The following PNMA8B variants were observed in gnomAD, a reference collection of about 807,000 sequenced individuals.
PNMA8B encodes the protein PNMA family member 8B.
For synonymous variants in PNMA8B, 386 were observed against 394.9 expected, an observed-to-expected ratio of 0.98 and a Z score of 0.27; for missense variants, 887 against 885.8, an observed-to-expected ratio of 1.00 and a Z score of -0.02.
rs778069315 is a variant in PNMA8B at position 46,494,104 on chromosome 19, G to C, written c.1362C>G (p.Leu454=). Reference sequence around the variant, plus strand: ...CCTCCGCCATGTCCTGGGCAGCCAGGAGCGCCACCAGCTCCAGAAGACCCC... The same window carrying C: ...CCTCCGCCATGTCCTGGGCAGCCAGCAGCGCCACCAGCTCCAGAAGACCCC... The part of the protein sequence containing the change: ...DEGGLLELVA[L]LAAQDMAEVM... The change falls in exon 1 of 1, where the codon CTC becomes CTG. Residue 454 remains leucine, a synonymous_variant. Coordinates refer to ENST00000599531, the MANE Select transcript of PNMA8B (RefSeq NM_020709.3). 6.2e-7 allele frequency: 1 copy of C among 1,612,488 alleles called. No homozygotes were observed. The highest frequency in any genetic ancestry group is 8.5e-7 in the Non-Finnish European group (1 of 1,179,838).
chr19:46,494,134 G>A lies in PNMA8B; in HGVS notation c.1332C>T (p.Asp444=), dbSNP rs370979395. ...CCACCAGCTCCAGAAGACCCCCTTC[G>A]TCCTCACGGTGCTCGCTCCAGCCCC... ...LFGGWSEHRE[D]EGGLLELVAL... is the part of the protein sequence containing the mutation. Residue 444 remains aspartate, a synonymous_variant, in exon 1 of 1, where the codon GAC becomes GAT. Coordinates refer to ENST00000599531, the MANE Select transcript of PNMA8B (RefSeq NM_020709.3). 23 of 1,611,096 alleles carry A rather than the reference G, an allele frequency of 1.4e-5. No homozygotes were observed. The African/African-American group carries it at 1.5e-4, about 10-fold the overall frequency.
rs769704644 is a variant in PNMA8B, at chr19:46,494,982, G to A, written c.484C>T (p.Arg162Trp). 1.9e-6 allele frequency: 3 copies of A among 1,608,740 alleles called. No individual in the cohort carries two copies. The highest frequency in any genetic ancestry group is 1.1e-5 in the South Asian group (1 of 91,088). ...GAARNPRRGR[R>W]GRRNRTRRNR... ...CGTCTGGTTCTGTTTCTGCGACCCC[G>A]ACGGCCCCTCCTTGGGTTCCTGGCT... Residue 162 changes from arginine to tryptophan, a missense_variant, in exon 1 of 1, where the codon CGG becomes TGG. Transcript: ENST00000599531.
rs1007863968 is a variant in PNMA8B at position 46,494,335 on chromosome 19, G to A, written c.1131C>T (p.Ser377=). The change falls in exon 1 of 1, where the codon TCC becomes TCT. Residue 377 remains serine, a synonymous_variant. Coordinates refer to ENST00000599531, the MANE Select transcript of PNMA8B (RefSeq NM_020709.3). ...TCCCGTTAGTGTCCTTGGACATGACGGACAAGACCTGTCGGAGGGGGTCTC... is the reference window on the plus strand; with the variant it reads ...TCCCGTTAGTGTCCTTGGACATGACAGACAAGACCTGTCGGAGGGGGTCTC... The part of the protein sequence containing the change: ...DKRDPLRQVL[S]VMSKDTNGTR... 3.1e-6 allele frequency: 5 copies of A among 1,613,060 alleles called. No homozygotes were observed. In the Admixed American group the frequency reaches 6.7e-5, roughly 22 times the overall value.
Position 46,495,525 on chromosome 19 carries a change from G to A in PNMA8B, c.-60C>T. On this transcript the variant is annotated 5_prime_UTR_variant, in exon 1 of 1. Transcript: ENST00000599531. The stretch of plus-strand genomic sequence containing the variant: ...AGGGAGCCCGAGATAGGGGTGGGCT[G>A]CAGCGCACGGTGTCAATGCAACCCT... 1 of 1,527,426 alleles carries A rather than the reference G, an allele frequency of 6.5e-7. No homozygotes were observed. The highest frequency in any genetic ancestry group is 1.3e-5 in the South Asian group (1 of 78,714). The allele number at this position is 1,527,426 out of a possible 1,614,324, so 94.6% of individuals were successfully genotyped here.
chr19:46,494,371 C>T lies in PNMA8B; in HGVS notation c.1095G>A (p.Glu365=). The T allele has an allele frequency of 6.2e-7, 1 of 1,613,342 alleles. No homozygotes were observed. The highest frequency in any genetic ancestry group is 8.5e-7 in the Non-Finnish European group (1 of 1,179,908). ...SVIESLGWSD[E]KDKRDPLRQV... ...GTCGGAGGGGGTCTCGCTTGTCTTT[C>T]TCGTCGCTCCAGCCCAGCGACTCGA... The change falls in exon 1 of 1, where the codon GAG becomes GAA. Residue 365 remains glutamate, a synonymous_variant. Coordinates refer to ENST00000599531, the MANE Select transcript of PNMA8B (RefSeq NM_020709.3).
chr19:46,494,673 T>C lies in PNMA8B; in HGVS notation c.793A>G (p.Lys265Glu). Reference protein sequence around the residue: ...ALVTVTDKSKKEEAEKEPAGA... With the variant: ...ALVTVTDKSKEEEAEKEPAGA... Reference sequence around the variant, plus strand: ...GCTGGCTCCTTCTCTGCCTCTTCTTTCTTCGATTTGTCGGTGACGGTGACC... The same window carrying C: ...GCTGGCTCCTTCTCTGCCTCTTCTTCCTTCGATTTGTCGGTGACGGTGACC... The change falls in exon 1 of 1, where the codon AAA (lysine) becomes GAA (glutamate). Residue 265 changes from lysine to glutamate, a missense_variant. Lys to Glu is a moderately conservative substitution (Grantham distance 56). Transcript: ENST00000599531. 6.2e-7 allele frequency: 1 copy of C among 1,614,032 alleles called. No homozygotes were observed. Among genetic ancestry groups the C allele is most frequent in the Non-Finnish European group, 8.5e-7 (1 of 1,179,882 alleles).
Position 46,495,263 on chromosome 19 carries a change from T to A in PNMA8B, c.203A>T (p.Glu68Val), listed in dbSNP as rs1467600095. The A allele has an allele frequency of 6.4e-7, 1 of 1,555,010 alleles. No homozygotes were observed. Among genetic ancestry groups the A allele is most frequent in the African/African-American group, 1.4e-5 (1 of 73,750 alleles). ...AGCGTGATTGACGTCCTCCACAAACTCCACCAGGGCGGCCTGGGCCTTCTC... is the reference window on the plus strand; with the variant it reads ...AGCGTGATTGACGTCCTCCACAAACACCACCAGGGCGGCCTGGGCCTTCTC... ...MNEKAQAALV[E>V]FVEDVNHAAI... Residue 68 changes from glutamate to valine, a missense_variant, in exon 1 of 1, where the codon GAG becomes GTG. Glu to Val is a moderately radical substitution (Grantham distance 121). Transcript: ENST00000599531.
rs1434181242 is a variant in PNMA8B at position 46,495,038 on chromosome 19, A to T, written c.428T>A (p.Val143Glu). The T allele has an allele frequency of 1.9e-6, 3 of 1,609,120 alleles. No individual in the cohort carries two copies. The highest frequency in any genetic ancestry group is 3.3e-5 in the Admixed American group (2 of 59,896). The change falls in exon 1 of 1, where the codon GTA (valine) becomes GAA (glutamate). Residue 143 changes from valine (V) to glutamate (E), a missense_variant. Coordinates refer to ENST00000599531, the MANE Select transcript of PNMA8B (RefSeq NM_020709.3). ...SETQAQDSGE[V>E]TGQAGSLLGA... ...AAGAAGCGAGCCAGCCTGCCCTGTT[A>T]CCTCCCCAGAATCCTGGGCCTGCGT...
In PNMA8B at chr19:46,491,576, T is replaced by G. The variant is rs3745788; in HGVS notation, c.*1982A>C. The G allele has an allele frequency of 0.11, 15,531 of 146,082 alleles. 951 individuals carry two copies. Among genetic ancestry groups the G allele is most frequent in the East Asian group, 0.18 (862 of 4,892 alleles). The allele number at this position is 146,082 out of a possible 1,614,324, so 9.0% of individuals were successfully genotyped here. A position where few individuals can be genotyped will look rare whatever the true frequency, so the allele number is the denominator to read the frequency against. On this transcript the variant is annotated 3_prime_UTR_variant, in exon 1 of 1. Coordinates refer to ENST00000599531, the MANE Select transcript of PNMA8B (RefSeq NM_020709.3). ...GGGGATTGGCTGGGCGGGGTCTCCA[T>G]GGGTGTCCAGGGGCTTCGGAGCTGA...
rs1486313527 is a variant in PNMA8B at position 46,494,924 on chromosome 19, C to G, written c.542G>C (p.Ser181Thr). The change falls in exon 1 of 1, where the codon AGC becomes ACC. Residue 181 changes from serine (S) to threonine (T), a missense_variant. Ser to Thr is a moderately conservative substitution (Grantham distance 58). Coordinates refer to ENST00000599531, the MANE Select transcript of PNMA8B (RefSeq NM_020709.3). ...NRLTQKGKKR[S>T]RGGRPSAPAR... ...GGGAGCAGACGGCCGTCCTCCTCGG[C>G]TTCTCTTCTTGCCCTTCTGGGTCAA... 1.2e-6 allele frequency: 2 copies of G among 1,611,022 alleles called. No individual in the cohort carries two copies. Among genetic ancestry groups the G allele is most frequent in the African/African-American group, 1.3e-5 (1 of 75,082 alleles).
Position 46,491,928 on chromosome 19 carries a change from ACCTGGGGC to A in PNMA8B, c.*1622_*1629del, listed in dbSNP as rs1208764065. 1.0e-5 allele frequency: 2 copies of A among 195,878 alleles called. No individual in the cohort carries two copies. The highest frequency in any genetic ancestry group is 2.2e-5 in the Non-Finnish European group (2 of 91,292). The allele number at this position is 195,878 out of a possible 1,614,324, so 12.1% of individuals were successfully genotyped here. On this transcript the variant is annotated 3_prime_UTR_variant, in exon 1 of 1. Transcript: ENST00000599531. ...CCTAGGACTGCTACGGGAGAAGCAC[ACCTGGGGC>A]CCTCCCCACCCACAGGCAACACCAC...
In PNMA8B at chr19:46,495,556, G is replaced by C; in HGVS notation, c.-91C>G. ...CACGGTGTCAATGCAACCCTAGAAA[G>C]CCACTTGCAGGGCTTAGAGTCCCGG... On this transcript the variant is annotated 5_prime_UTR_variant, in exon 1 of 1. Coordinates refer to ENST00000599531, the MANE Select transcript of PNMA8B (RefSeq NM_020709.3). 1 of 1,463,274 alleles carries C rather than the reference G, an allele frequency of 6.8e-7. No individual in the cohort carries two copies. Among genetic ancestry groups the C allele is most frequent in the Non-Finnish European group, 9.1e-7 (1 of 1,102,684 alleles). The allele number at this position is 1,463,274 out of a possible 1,614,324, so 90.6% of individuals were successfully genotyped here. A position where few individuals can be genotyped will look rare whatever the true frequency, so the allele number is the denominator to read the frequency against.
Position 46,493,994 on chromosome 19 carries a change from A to C in PNMA8B, c.1472T>G (p.Leu491Arg), listed in dbSNP as rs755398353. ...KGKLGEVLAL[L>R]AARENMGSNE... is the part of the protein sequence containing the mutation. ...GGACCCCATGTTCTCCCGGGCGGCC[A>C]GGAGCGCCAATACCTCCCCCAGTTT... Residue 491 changes from leucine (L) to arginine (R), a missense_variant, in exon 1 of 1, where the codon CTG becomes CGG. Coordinates refer to ENST00000599531, the MANE Select transcript of PNMA8B (RefSeq NM_020709.3). The surrounding 1 kb of genome is among the most constrained non-coding windows in gnomAD (Gnocchi z 5.3). 1.1e-5 allele frequency: 18 copies of C among 1,613,554 alleles called. No homozygotes were observed. In the East Asian group the frequency reaches 4.0e-4, roughly 36 times the overall value.
Position 46,493,710 on chromosome 19 carries a change from C to G in PNMA8B, c.1756G>C (p.Asp586His). ...KAGSRGSAQD[D>H]AAGSRKKKGS... is the part of the protein sequence containing the mutation. ...TTCTTCTTCCTGCTTCCTGCGGCGTCGTCCTGGGCCGAGCCCCGGCTCCCG... is the reference window on the plus strand; with the variant it reads ...TTCTTCTTCCTGCTTCCTGCGGCGTGGTCCTGGGCCGAGCCCCGGCTCCCG... Residue 586 changes from aspartate (D) to histidine (H), a missense_variant, in exon 1 of 1, where the codon GAC (aspartate) becomes CAC (histidine). Coordinates refer to ENST00000599531, the MANE Select transcript of PNMA8B (RefSeq NM_020709.3). This position sits in a 1 kb window ranked among gnomAD's most constrained non-coding sequence, Gnocchi z 5.3. The G allele has an allele frequency of 6.6e-7, 1 of 1,512,228 alleles. No individual in the cohort carries two copies. 93.7% of individuals were successfully genotyped at this position (1,512,228 alleles called of 1,614,324 possible). A position where few individuals can be genotyped will look rare whatever the true frequency, so the allele number is the denominator to read the frequency against.
rs1435195802 is a variant in PNMA8B, at chr19:46,494,548, C to T, written c.918G>A (p.Pro306=). Residue 306 remains proline, a synonymous_variant, in exon 1 of 1, where the codon CCG becomes CCA. Coordinates refer to ENST00000599531, the MANE Select transcript of PNMA8B (RefSeq NM_020709.3). ...LAVRDTPDEE[P]VDSDTSESDS... is the part of the protein sequence containing the mutation. ...CGCTCTCCGAAGTGTCGCTGTCCACCGGCTCCTCGTCCGGGGTGTCTCTCA... is the reference window on the plus strand; with the variant it reads ...CGCTCTCCGAAGTGTCGCTGTCCACTGGCTCCTCGTCCGGGGTGTCTCTCA... 3 of 1,614,074 alleles carry T rather than the reference C, an allele frequency of 1.9e-6. No individual in the cohort carries two copies. Among genetic ancestry groups the T allele is most frequent in the Non-Finnish European group, 2.5e-6 (3 of 1,179,904 alleles).
At position 46,494,009 on chromosome 19, in the gene PNMA8B, T is replaced by C. The variant is rs565071242; in HGVS notation, c.1457A>G (p.Glu486Gly). The change falls in exon 1 of 1, where the codon GAG (glutamate) becomes GGG (glycine). Residue 486 changes from glutamate (E) to glycine (G), a missense_variant. Glu to Gly is a moderately conservative substitution (Grantham distance 98). Coordinates refer to ENST00000599531, the MANE Select transcript of PNMA8B (RefSeq NM_020709.3). ...KYKYPKGKLG[E>G]VLALLAAREN... The stretch of plus-strand genomic sequence containing the variant: ...CCGGGCGGCCAGGAGCGCCAATACC[T>C]CCCCCAGTTTGCCTTTGGGGTATTT... 153 of 1,613,222 alleles carry C rather than the reference T, an allele frequency of 9.5e-5. No individual in the cohort carries two copies. The South Asian group carries it at 1.6e-3, about 17-fold the overall frequency.
chr19:46,493,041 G>C lies in PNMA8B; in HGVS notation c.*517C>G, dbSNP rs1970027485. 1 of 155,566 alleles carries C rather than the reference G, an allele frequency of 6.4e-6. No homozygotes were observed. The highest frequency in any genetic ancestry group is 1.4e-5 in the Non-Finnish European group (1 of 69,112). 9.6% of individuals were successfully genotyped at this position (155,566 alleles called of 1,614,324 possible). A position where few individuals can be genotyped will look rare whatever the true frequency, so the allele number is the denominator to read the frequency against. On this transcript the variant is annotated 3_prime_UTR_variant, in exon 1 of 1. Coordinates refer to ENST00000599531, the MANE Select transcript of PNMA8B (RefSeq NM_020709.3). This position sits in a 1 kb window ranked among gnomAD's most constrained non-coding sequence, Gnocchi z 5.3. The stretch of plus-strand genomic sequence containing the variant: ...CTGGAATCATCTCTTCCCCTGGCTG[G>C]GAGCTGGGGCCTCCCCTGGCTGAGA...
In PNMA8B at chr19:46,494,079, C is replaced by T; in HGVS notation, c.1387G>A (p.Val463Met). Reference sequence around the variant, plus strand: ...GCGTTTTCTTTTTCCTCCTTCATCACCTCCGCCATGTCCTGGGCAGCCAGG... The same window carrying T: ...GCGTTTTCTTTTTCCTCCTTCATCATCTCCGCCATGTCCTGGGCAGCCAGG... The part of the protein sequence containing the change: ...ALLAAQDMAE[V>M]MKEEKENAWE... Residue 463 changes from valine to methionine, a missense_variant, in exon 1 of 1, where the codon GTG becomes ATG. Coordinates refer to ENST00000599531, the MANE Select transcript of PNMA8B (RefSeq NM_020709.3). 1 of 1,613,228 alleles carries T rather than the reference C, an allele frequency of 6.2e-7. No individual in the cohort carries two copies. The highest frequency in any genetic ancestry group is 8.5e-7 in the Non-Finnish European group (1 of 1,179,874).
Position 46,493,639 on chromosome 19 carries a change from C to A in PNMA8B, c.1827G>T (p.Lys609Asn). ...CCTTGGATCCAGTGGGCGCCTGGCC[C>A]TTGGCCTCGCCTGCCCTGGCATGGG... ...AGAHARAGEA[K>N]GQAPTGSKAA... Residue 609 changes from lysine to asparagine, a missense_variant, in exon 1 of 1, where the codon AAG becomes AAT. Coordinates refer to ENST00000599531, the MANE Select transcript of PNMA8B (RefSeq NM_020709.3). The surrounding 1 kb of genome is among the most constrained non-coding windows in gnomAD (Gnocchi z 5.3). 6.5e-7 allele frequency: 1 copy of A among 1,535,700 alleles called. No individual in the cohort carries two copies. The highest frequency in any genetic ancestry group is 1.4e-5 in the African/African-American group (1 of 70,576).
Sources: allele counts gnomAD v4.1 joint callset, GRCh38; gene constraint gnomAD v4.1.1; non-coding constraint Gnocchi (gnomAD v3.1); transcripts MANE v1.5; gene names NCBI Gene and HGNC (gene_info 2026-07-23, HGNC 2026-07-21).